The following TACC2 variants were observed in gnomAD, a reference collection of about 807,000 sequenced individuals.
TACC2 encodes transforming acidic coiled-coil containing protein 2, also known as transforming acidic coiled-coil-containing protein 2.
TACC2 carries 137 observed loss-of-function variants against 227.3 expected under a neutral mutation model. The ratio of observed to expected loss-of-function variants is 0.60; its 90% confidence interval spans 0.52 to 0.69. The LOEUF (loss-of-function observed/expected upper bound fraction) is 0.69. Ranked by LOEUF, TACC2 falls within the 30% of genes least tolerant of loss-of-function variation. The pLI, the probability that TACC2 is intolerant of heterozygous loss-of-function variation, is 0.00. For synonymous variants in TACC2, 1,523 were observed against 1,487.5 expected (o/e 1.02, Z -0.55); for missense variants, 3,470 against 3,694.4 (o/e 0.94, Z 1.57).
chr10:122,111,854 G>A (rs1281130500), intron 5 of TACC2, among the ~76,000 whole-genome samples: 1 of 152,016 alleles, frequency 6.6e-6, no homozygotes, highest in Non-Finnish European at 1.5e-5. Context: ...GCCTATTTGG[G>A]TCTCAGTTAT....
intron 7 of TACC2, among the ~76,000 whole-genome samples, chr10:122,162,067 G>A (rs2092849659): frequency 6.6e-6 from 1 of 152,170 alleles, no homozygotes; most frequent in African/African-American, 2.4e-5. Context: ...ACACCACCCC[G>A]ACAGCCACCT....
intron 18 of TACC2, among the ~76,000 whole-genome samples, chr10:122,240,177 C>T (rs1285504725): frequency 6.6e-6 from 1 of 152,192 alleles, no homozygotes; most frequent in Non-Finnish European, 1.5e-5. Flanking sequence ...ATTTTCAGGT[C>T]CCCGGTCTCT....
chr10:122,130,062 A>G (rs946073430), intron 5 of TACC2, among the ~76,000 whole-genome samples: 1 of 152,144 alleles, frequency 6.6e-6, no homozygotes, highest in Non-Finnish European at 1.5e-5. Context: ...CAGTGGCGCA[A>G]TCTCAGCTCA....
At chr10:122,061,022 G>A (rs1434749427) in intron 3 of TACC2, among the ~76,000 whole-genome samples, 3 of 18,920 alleles carry the variant, frequency 1.6e-4, no homozygotes, top group African/African-American at 2.6e-4. Context: ...AAAAAAAAGG[G>A]GGGGGGGCCA....
intron 7 of TACC2, among the ~76,000 whole-genome samples, chr10:122,162,153 A>G (rs1484958084): frequency 6.6e-6 from 1 of 152,134 alleles, no homozygotes; most frequent in Non-Finnish European, 1.5e-5. Context: ...TTTCTGGGAA[A>G]TTTCATGCTG....
intron 1 of TACC2, among the ~76,000 whole-genome samples, chr10:122,006,076 T>G (rs1189001540): frequency 6.6e-6 from 1 of 152,214 alleles, no homozygotes; most frequent in Non-Finnish European, 1.5e-5. Flanking sequence ...TGGTTCGCAC[T>G]TTCATTCATG....
chr10:122,132,067 A>AGGAAGGAAGGAAGG (rs57429902), intron 5 of TACC2, among the ~76,000 whole-genome samples: 2,342 of 28,800 alleles, frequency 0.081, 93 homozygotes, highest in Admixed American at 0.2. Context: ...AAAGAAAGAA[A>AGGAAGGAAGGAAGG]AAGAAAGAAA....
intron 2 of TACC2, among the ~76,000 whole-genome samples, chr10:122,049,473 G>C (rs1057113187): frequency 2.0e-5 from 3 of 152,158 alleles, no homozygotes; most frequent in Non-Finnish European, 4.4e-5. Flanking sequence ...GCAGGGACAT[G>C]GGGCACTATG....
chr10:122,076,449 G>A (rs530205526), intron 3 of TACC2, among the ~76,000 whole-genome samples: 3 of 152,296 alleles, frequency 2.0e-5, no homozygotes, highest in Non-Finnish European at 4.4e-5. Flanking sequence ...CTAACCCACT[G>A]GCTTTCATTC....
chr10:122,054,941 A>C (rs1395545888), intron 3 of TACC2, among the ~76,000 whole-genome samples: 2 of 152,110 alleles, frequency 1.3e-5, no homozygotes, highest in Non-Finnish European at 1.5e-5. Context: ...AAGGGTGGGC[A>C]GGGCATGGTG....
intron 6 of TACC2, among the ~76,000 whole-genome samples, chr10:122,136,588 T>G (rs1279704710): frequency 6.6e-6 from 1 of 150,676 alleles, no homozygotes; most frequent in Non-Finnish European, 1.5e-5. Context: ...AGTCTTGCTC[T>G]GTCGCCCAGG....
At chr10:122,048,922 T>C (rs1237707930) in intron 2 of TACC2, among the ~76,000 whole-genome samples, 1 of 152,196 alleles carries the variant, frequency 6.6e-6, no homozygotes, top group African/African-American at 2.4e-5. Context: ...GGTCAAGAAA[T>C]TCTGGCAAAC....
At chr10:122,240,144 T>A (rs2095955107) in intron 18 of TACC2, among the ~76,000 whole-genome samples, 1 of 152,096 alleles carries the variant, frequency 6.6e-6, no homozygotes, top group South Asian at 2.1e-4. Context: ...GAGGGTAAAG[T>A]GAAAAAACAG....
In TACC2 at chr10:122,086,871, A is replaced by G; in HGVS notation, c.4371A>G (p.Gly1457=). The change falls in exon 4 of 23, where the codon GGA becomes GGG. Residue 1457 remains glycine (G), a synonymous_variant. Transcript: ENST00000369005. ...GPEKLLDGPP[G]VDVTLLPAPP... ...AGAAGCTTCTAGATGGGCCTCCAGG[A>G]GTGGATGTCACCCTTCTCCCTGCAC... 3.1e-6 allele frequency: 5 copies of G among 1,613,900 alleles called. No individual in the cohort carries two copies. The highest frequency in any genetic ancestry group is 4.2e-6 in the Non-Finnish European group (5 of 1,179,970).
chr10:122,127,669 C>T lies in TACC2; in HGVS notation c.5574-4940C>T, dbSNP rs140445025. Reference sequence around the variant, plus strand: ...AACCACCACCAGCAGAACTTAGAAGCCATTTATAGCCTCTTACAGTTGTTC... The same window carrying T: ...AACCACCACCAGCAGAACTTAGAAGTCATTTATAGCCTCTTACAGTTGTTC... On this transcript the variant is annotated intron_variant, in intron 5 of 22. Transcript: ENST00000369005. Among the ~76,000 whole-genome samples, 191 of 152,192 alleles carry T rather than the reference C, an allele frequency of 1.3e-3. 1 individual carries two copies. Among genetic ancestry groups the T allele is most frequent in the Middle Eastern group, 0.01 (3 of 294 alleles).
chr10:122,178,483 C>T (rs532789106), intron 7 of TACC2, among the ~76,000 whole-genome samples: 1 of 152,240 alleles, frequency 6.6e-6, no homozygotes, highest in African/African-American at 2.4e-5. Context: ...GTGATCTGCC[C>T]TCCTAGACCT....
At chr10:122,098,140 G>A (rs898994951) in intron 5 of TACC2, among the ~76,000 whole-genome samples, 4 of 152,134 alleles carry the variant, frequency 2.6e-5, no homozygotes, top group Non-Finnish European at 4.4e-5. Context: ...AGCTGTTCAC[G>A]GGCTCCTGTC....
At chr10:122,091,482 T>C (rs2080810873) in intron 5 of TACC2, among the ~76,000 whole-genome samples, 1 of 152,184 alleles carries the variant, frequency 6.6e-6, no homozygotes, top group Non-Finnish European at 1.5e-5. Context: ...AAGCTGCTTT[T>C]CCCTGGTCTT....
intron 16 of TACC2, among the ~76,000 whole-genome samples, chr10:122,236,572 A>G (rs189402543): frequency 1.0e-5 from 1 of 97,388 alleles, no homozygotes; most frequent in East Asian, 3.8e-4. Context: ...TGCAAAGGGA[A>G]AAAGAATAAC....
Sources: gnomAD v4.1 joint callset for allele counts (sites outside exome capture counted in the v4.1 genomes callset) on GRCh38, gnomAD v4.1.1 for gene constraint, MANE v1.5 for transcripts, NCBI Gene and HGNC (gene_info 2026-07-23, HGNC 2026-07-21) for gene names.